CNOT1: variants seen among roughly 807,000 people sequenced by gnomAD.
The protein encoded by CNOT1 is CCR4-NOT transcription complex subunit 1, also known as CCR4-associated factor 1.
A neutral mutation model predicts 273.8 loss-of-function variants in CNOT1; 15 were observed. That is an observed-to-expected ratio of 0.05 (90% CI 0.04 to 0.08). The LOEUF is 0.08. Ranked by LOEUF, CNOT1 falls within the 10% of genes least tolerant of loss-of-function variation. The pLI is 1.00. For missense variants in CNOT1, 1,644 were observed against 2,912.2 expected, an observed-to-expected ratio of 0.56 and a Z score of 10.02; for synonymous variants, 1,022 against 1,005.5, an observed-to-expected ratio of 1.02 and a Z score of -0.31.
intron 1 of CNOT1, among the ~76,000 whole-genome samples, chr16:58,628,805 A>G (rs1567456081): frequency 6.6e-6 from 1 of 152,240 alleles, no homozygotes; most frequent in Non-Finnish European, 1.5e-5. Flanking sequence ...GATGTCAAGC[A>G]TTCTTTTTTA....
Position 58,626,169 on chromosome 16 carries a change from A to AG in CNOT1, c.-175+3558dup, listed in dbSNP as rs1020986252. On this transcript the variant is annotated intron_variant, in intron 1 of 48. Coordinates refer to ENST00000317147, the MANE Select transcript of CNOT1 (RefSeq NM_016284.5). ...ACGCCTGTAATCCCAGCACTTCGGG[A>AG]GACTGAGGCAGGCAGATCACCTGAG... Among the ~76,000 whole-genome samples, 3 of 152,258 alleles carry AG rather than the reference A, an allele frequency of 2.0e-5. No homozygotes were observed. In the South Asian group the frequency reaches 6.2e-4, roughly 32 times the overall value.
chr16:58,585,448 C>T lies in CNOT1; in HGVS notation c.696G>A (p.Arg232=). 6.2e-7 allele frequency: 1 copy of T among 1,613,702 alleles called. No individual in the cohort carries two copies. Among genetic ancestry groups the T allele is most frequent in the Non-Finnish European group, 8.5e-7 (1 of 1,179,982 alleles). ...VLAPLLYPEK[R]DILMDRILPD... is the part of the protein sequence containing the mutation. ...GCAGGATCCTGTCCATTAGAATGTC[C>T]CGTTTTTCAGGGTATAAAAGTGGTG... The change falls in exon 8 of 49, where the codon CGG becomes CGA. Residue 232 remains arginine (R), a synonymous_variant. Transcript: ENST00000317147.
At chr16:58,557,369 T>C (rs1448303981) in intron 18 of CNOT1, among the ~76,000 whole-genome samples, 2 of 152,248 alleles carry the variant, frequency 1.3e-5, no homozygotes, top group African/African-American at 4.8e-5. Flanking sequence ...AAAGTTACCA[T>C]GAGTCTCAAA....
intron 8 of CNOT1, 42 bp from the exon 9 acceptor site, chr16:58,583,224 A>G: frequency 1.2e-6 from 2 of 1,602,514 alleles, no homozygotes; most frequent in African/African-American, 1.3e-5. Context: ...TACCAGCCTC[A>G]ACACCGAGAT....
At position 58,570,057 on chromosome 16, in the gene CNOT1, T is replaced by C. The variant is rs539185562; in HGVS notation, c.1979+4552A>G. ...ACAGCTGATGTCTCATCAGAAACCA[T>C]GGAGGACAGAAAGCAGTGGGGGAGC... On this transcript the variant is annotated intron_variant, in intron 16 of 48. Transcript: ENST00000317147. Among the ~76,000 whole-genome samples the C allele has an allele frequency of 3.9e-5, 6 of 152,084 alleles. No individual in the cohort carries two copies. The East Asian group carries it at 1.2e-3, about 29-fold the overall frequency.
At chr16:58,579,771 G>A (rs1235590517) in intron 12 of CNOT1, among the ~76,000 whole-genome samples, 1 of 152,144 alleles carries the variant, frequency 6.6e-6, no homozygotes, top group African/African-American at 2.4e-5. Flanking sequence ...CAAAGTACTT[G>A]TACCATTCTT....
chr16:58,583,033 TA>T, intron 9 of CNOT1, 22 bp downstream of exon 9: 1 of 1,613,178 alleles, frequency 6.2e-7, no homozygotes. Context: ...ACTCACTTGG[TA>T]AAATAGCTGA....
chr16:58,568,550 G>GGCAT (rs2041145795), intron 16 of CNOT1, among the ~76,000 whole-genome samples: 1 of 151,216 alleles, frequency 6.6e-6, no homozygotes, highest in Non-Finnish European at 1.5e-5. Flanking sequence ...CAGGCGTGGT[G>GGCAT]GCATGCTCCT....
At chr16:58,532,977 A>G (rs896742938) in intron 40 of CNOT1, 1 of 153,384 alleles carries the variant, frequency 6.5e-6, no homozygotes, top group African/African-American at 2.4e-5. Flanking sequence ...CCAATGACTA[A>G]TATCACTCAT....
At chr16:58,546,253 T>C (rs2088295424) in intron 29 of CNOT1, 68 bp downstream of exon 29, 2 of 1,356,808 alleles carry the variant, frequency 1.5e-6, no homozygotes, top group Admixed American at 4.0e-5. Flanking sequence ...GCGATATACA[T>C]GGACAAGTAC....
At position 58,615,268 on chromosome 16, in the gene CNOT1, G is replaced by A. The variant is rs1002342006; in HGVS notation, c.-175+14460C>T. Among the ~76,000 whole-genome samples the A allele has an allele frequency of 1.6e-5, 2 of 125,456 alleles. 1 individual carries two copies. Among genetic ancestry groups the A allele is most frequent in the Non-Finnish European group, 3.8e-5 (2 of 52,648 alleles). The allele number at this position is 125,456 out of a possible 152,430, so 82.3% of individuals were successfully genotyped here. A position where few individuals can be genotyped will look rare whatever the true frequency, so the allele number is the denominator to read the frequency against. ...GGTTTGGGTCTGTTTTAGTAAACAG[G>A]GAGATGCAGAGATGGGCTAGATGCT... On this transcript the variant is annotated intron_variant, in intron 1 of 48. Coordinates refer to ENST00000317147, the MANE Select transcript of CNOT1 (RefSeq NM_016284.5).
intron 46 of CNOT1, 121 bp from the exon 47 acceptor site, chr16:58,523,623 C>T: frequency 1.1e-6 from 1 of 878,154 alleles, no homozygotes; most frequent in East Asian, 2.5e-5. Flanking sequence ...TGGTTTAAAG[C>T]AGTGGTTCTT....
chr16:58,601,123 T>C (rs981140847), intron 1 of CNOT1, among the ~76,000 whole-genome samples: 1 of 152,186 alleles, frequency 6.6e-6, no homozygotes, highest in Non-Finnish European at 1.5e-5. Context: ...CCCAGCTAAT[T>C]TGTTGTGTTT....
rs2043014515 is a variant in CNOT1, at chr16:58,614,652, T to C, written c.-175+15076A>G. On this transcript the variant is annotated intron_variant, in intron 1 of 48. Coordinates refer to ENST00000317147, the MANE Select transcript of CNOT1 (RefSeq NM_016284.5). ...TAGTTTCCTCCCGGATTCACCCCATTCACCATCTCCCCTTGCTGATTTTGC... is the reference window on the plus strand; with the variant it reads ...TAGTTTCCTCCCGGATTCACCCCATCCACCATCTCCCCTTGCTGATTTTGC... Among the ~76,000 whole-genome samples the C allele has an allele frequency of 1.6e-5, 2 of 125,966 alleles. 1 individual carries two copies. Among genetic ancestry groups the C allele is most frequent in the Non-Finnish European group, 3.8e-5 (2 of 52,770 alleles). 82.6% of individuals were successfully genotyped at this position (125,966 alleles called of 152,430 possible).
At chr16:58,586,949 T>G (rs1309591260) in intron 6 of CNOT1, among the ~76,000 whole-genome samples, 1 of 152,220 alleles carries the variant, frequency 6.6e-6, no homozygotes, top group African/African-American at 2.4e-5. Context: ...GAGTTGTTGA[T>G]GGGCATAGTT....
In CNOT1 at chr16:58,570,509, CAT is replaced by C. The variant is rs535431216; in HGVS notation, c.1979+4098_1979+4099del. On this transcript the variant is annotated intron_variant, in intron 16 of 48. Coordinates refer to ENST00000317147, the MANE Select transcript of CNOT1 (RefSeq NM_016284.5). ...AAAAAATTTATCAGGTGTGGTGGCA[CAT>C]GTTTGTGGTCCCAGCTACCTGGGAG... Among the ~76,000 whole-genome samples the C allele has an allele frequency of 3.3e-5, 5 of 152,228 alleles. No individual in the cohort carries two copies. In the East Asian group the frequency reaches 9.6e-4, roughly 29 times the overall value.
rs2042052353 is a variant in CNOT1, at chr16:58,591,527, G to A, written c.103-2621C>T. 2.0e-5 allele frequency among the ~76,000 whole-genome samples: 3 copies of A among 152,156 alleles called. No homozygotes were observed. The South Asian group carries it at 6.2e-4, about 32-fold the overall frequency. The stretch of plus-strand genomic sequence containing the variant: ...CCAGCAGTTTGTGGGGCTGAACTGG[G>A]CGGATCACCTGAGGTCAGGAGTTCG... On this transcript the variant is annotated intron_variant, in intron 2 of 48. Transcript: ENST00000317147.
rs779796175 is a variant in CNOT1, at chr16:58,543,642, T to C, written c.4399A>G (p.Thr1467Ala). ...CREPLLMSIS[T>A]NLKNSFASAL... ...GAGGCAAAACTGTTTTTTAAGTTGG[T>C]AGATATGCTCATGAGCAAAGGTTCC... is the stretch of plus-strand genomic sequence containing the variant. The change falls in exon 31 of 49, where the codon ACC becomes GCC. Residue 1467 changes from threonine (T) to alanine (A), a missense_variant. Coordinates refer to ENST00000317147, the MANE Select transcript of CNOT1 (RefSeq NM_016284.5). 6.2e-6 allele frequency: 10 copies of C among 1,614,198 alleles called. No homozygotes were observed. Among genetic ancestry groups the C allele is most frequent in the Non-Finnish European group, 7.6e-6 (9 of 1,180,042 alleles).
chr16:58,549,060 G>A (rs2040355984), intron 25 of CNOT1, among the ~76,000 whole-genome samples: 2 of 152,296 alleles, frequency 1.3e-5, no homozygotes, highest in South Asian at 2.1e-4. Context: ...AGGCCGAGGA[G>A]GGTGGATCAC....
Sources: gnomAD v4.1 joint callset for allele counts (sites outside exome capture counted in the v4.1 genomes callset) on GRCh38, gnomAD v4.1.1 for gene constraint, MANE v1.5 for transcripts, NCBI Gene and HGNC (gene_info 2026-07-23, HGNC 2026-07-21) for gene names.